GRID2: variants seen among roughly 807,000 people sequenced by gnomAD.
The protein encoded by GRID2 is glutamate ionotropic receptor delta type subunit 2, also known as glutamate receptor ionotropic, delta-2.
Under a neutral mutation model 114.8 loss-of-function variants are expected in GRID2, and 33 were observed. The observed-to-expected ratio is 0.29, with a 90% CI of 0.22 to 0.38. The LOEUF (loss-of-function observed/expected upper bound fraction) is 0.38, where lower values mean the gene tolerates loss of function less well. Among genes scored for constraint, GRID2 ranks in the 10% least tolerant of loss-of-function variants. GRID2 has a pLI of 1.00. For synonymous variants in GRID2, 505 were observed against 449.9 expected (o/e 1.12, Z -1.55); for missense variants, 1,184 against 1,257.7 (o/e 0.94, Z 0.89).
chr4:93,150,331 T>G (rs1474965535), intron 4 of GRID2, among the ~76,000 whole-genome samples: 1 of 152,132 alleles, frequency 6.6e-6, no homozygotes, highest in Non-Finnish European at 1.5e-5. Flanking sequence ...CTATTATATA[T>G]TAATAGGATT....
At chr4:93,450,026 T>A (rs1441409656) in intron 10 of GRID2, among the ~76,000 whole-genome samples, 1 of 151,962 alleles carries the variant, frequency 6.6e-6, no homozygotes, top group African/African-American at 2.4e-5. Flanking sequence ...AAAATTTTAT[T>A]TGACCTTAAA....
chr4:92,611,706 G>A (rs62307882), intron 2 of GRID2, among the ~76,000 whole-genome samples: 7,132 of 151,544 alleles, frequency 0.047, 207 homozygotes, highest in East Asian at 0.095. Context: ...TGTAAAATAC[G>A]TGAAGTGGTA....
At chr4:92,951,043 C>T (rs1751994642) in intron 2 of GRID2, among the ~76,000 whole-genome samples, 1 of 152,034 alleles carries the variant, frequency 6.6e-6, no homozygotes, top group African/African-American at 2.4e-5. Flanking sequence ...ACTCTTTAAC[C>T]AATTTTCTCT....
At chr4:92,831,216 T>C (rs543408098) in intron 2 of GRID2, among the ~76,000 whole-genome samples, 1 of 152,290 alleles carries the variant, frequency 6.6e-6, no homozygotes, top group Non-Finnish European at 1.5e-5. Flanking sequence ...TCTATTCTTT[T>C]ATATCACTGT....
At chr4:93,259,526 ATAATT>A (rs1260712848) in intron 8 of GRID2, among the ~76,000 whole-genome samples, 1 of 151,892 alleles carries the variant, frequency 6.6e-6, no homozygotes, top group African/African-American at 2.4e-5. Flanking sequence ...TATACTGTCA[ATAATT>A]TAATAAAGAG....
chr4:93,069,571 T>C (rs903447773), intron 2 of GRID2, among the ~76,000 whole-genome samples: 27 of 152,066 alleles, frequency 1.8e-4, no homozygotes, highest in African/African-American at 6.5e-4. Flanking sequence ...TAAAGCCGCT[T>C]TGAAGAAACA....
intron 2 of GRID2, among the ~76,000 whole-genome samples, chr4:93,003,644 C>T (rs780058707): frequency 2.4e-4 from 36 of 152,044 alleles, no homozygotes; most frequent in Middle Eastern, 3.4e-3. Context: ...ATGTTAATAG[C>T]GGTGCTGGTG....
chr4:92,365,855 T>A (rs182927243), intron 1 of GRID2, among the ~76,000 whole-genome samples: 1 of 152,088 alleles, frequency 6.6e-6, no homozygotes, highest in African/African-American at 2.4e-5. Context: ...TGGATCAGAG[T>A]TGTAATCACT....
At chr4:92,750,031 T>G (rs1028194571) in intron 2 of GRID2, among the ~76,000 whole-genome samples, 1 of 152,072 alleles carries the variant, frequency 6.6e-6, no homozygotes, top group Non-Finnish European at 1.5e-5. Context: ...CCAGCTAATT[T>G]GGTATTTTTA....
intron 1 of GRID2, among the ~76,000 whole-genome samples, chr4:92,467,754 AAAT>A (rs756635992): frequency 6.6e-5 from 10 of 152,000 alleles, no homozygotes; most frequent in Non-Finnish European, 1.2e-4. Context: ...TTATGGAAAA[AAAT>A]AATGCAGTGA....
intron 2 of GRID2, among the ~76,000 whole-genome samples, chr4:92,835,221 A>C (rs1742374007): frequency 6.6e-6 from 1 of 151,496 alleles, no homozygotes; most frequent in Non-Finnish European, 1.5e-5. Context: ...AATGAAGATG[A>C]GGTTGAGGGT....
Position 92,590,170 on chromosome 4 carries a change from T to A in GRID2, c.128T>A (p.Val43Glu). Residue 43 changes from valine to glutamate, a missense_variant, in exon 2 of 16, where the codon GTA becomes GAA. Transcript: ENST00000282020. ...FDESAKKDDEVFRTAVGDLNQ... is the reference protein window; with the variant it reads ...FDESAKKDDEEFRTAVGDLNQ... ...GAATCTGCCAAAAAGGATGATGAGG[T>A]ATTTCGCACTGCGGTTGGTGACCTT... 1 of 1,611,876 alleles carries A rather than the reference T, an allele frequency of 6.2e-7. No individual in the cohort carries two copies.
rs192951675 is a variant in GRID2, at chr4:92,442,332, T to C, written c.88+137588T>C. On this transcript the variant is annotated intron_variant, in intron 1 of 15. Coordinates refer to ENST00000282020, the MANE Select transcript of GRID2 (RefSeq NM_001510.4). ...CCAGGTGAGTTGAACAGTCCGATTT[T>C]CAGTGGGGTCCTACACAGATGGGAC... is the stretch of plus-strand genomic sequence containing the variant. Among the ~76,000 whole-genome samples the C allele has an allele frequency of 6.3e-3, 960 of 152,070 alleles. 10 individuals carry two copies. Among genetic ancestry groups the C allele is most frequent in the African/African-American group, 0.021 (882 of 41,510 alleles).
At chr4:93,786,410 T>G (rs1007138433) in intron 1 of GRID2, among the ~76,000 whole-genome samples, 2 of 152,100 alleles carry the variant, frequency 1.3e-5, no homozygotes, top group Non-Finnish European at 2.9e-5. Flanking sequence ...CACATTTAAA[T>G]GCAAATATGA....
intron 8 of GRID2, among the ~76,000 whole-genome samples, chr4:93,256,692 G>A (rs1749632113): frequency 6.6e-6 from 1 of 151,852 alleles, no homozygotes; most frequent in Non-Finnish European, 1.5e-5. Context: ...TATGGATATA[G>A]ACATCATCCA....
At chr4:92,873,232 C>T in intron 2 of GRID2, among the ~76,000 whole-genome samples, 1 of 152,096 alleles carries the variant, frequency 6.6e-6, no homozygotes, top group East Asian at 1.9e-4. Flanking sequence ...TTAAGCTCTT[C>T]AATTCTATTA....
intron 8 of GRID2, among the ~76,000 whole-genome samples, chr4:93,306,807 T>C (rs1370689709): frequency 6.6e-6 from 1 of 152,212 alleles, no homozygotes. Context: ...TTGCATTCTT[T>C]TGTGATTGTT....
intron 5 of GRID2, 146 bp from the exon 6 acceptor site, chr4:93,216,592 T>G (rs1364339975): frequency 3.8e-6 from 2 of 531,926 alleles, no homozygotes; most frequent in East Asian, 2.9e-5. Context: ...AAAAATATGT[T>G]GCTTTCATTT....
intron 2 of GRID2, among the ~76,000 whole-genome samples, chr4:92,635,401 CTT>C (rs1457198628): frequency 6.6e-6 from 1 of 151,916 alleles, no homozygotes; most frequent in African/African-American, 2.4e-5. Context: ...TTATATATGT[CTT>C]TATTGTTTCT....
Sources: allele counts gnomAD v4.1 joint callset (sites outside exome capture counted in the v4.1 genomes callset), GRCh38; gene constraint gnomAD v4.1.1; transcripts MANE v1.5; gene names NCBI Gene and HGNC (gene_info 2026-07-23, HGNC 2026-07-21).